RBFOX1: variants seen among roughly 807,000 people sequenced by gnomAD.
RBFOX1 encodes RNA binding fox-1 homolog 1.
RBFOX1 carries 8 observed loss-of-function variants against 57.7 expected under a neutral mutation model. The observed-to-expected ratio is 0.14, with a 90% CI of 0.08 to 0.25. The LOEUF is 0.25. Among genes scored for constraint, RBFOX1 ranks in the 10% least tolerant of loss-of-function variants. RBFOX1 has a pLI of 1.00. For missense variants in RBFOX1, 611 were observed against 548.5 expected (o/e 1.11, Z -1.14); for synonymous variants, 326 against 222.4 (o/e 1.47, Z -4.15).
intron 2 of RBFOX1, among the ~76,000 whole-genome samples, chr16:6,510,499 C>G (rs1014152119): frequency 4.6e-5 from 7 of 152,156 alleles, no homozygotes; most frequent in African/African-American, 1.7e-4. Flanking sequence ...GGACAGCAGG[C>G]ACAGATGACA....
At chr16:6,105,622 T>TA (rs2096369084) in intron 1 of RBFOX1, among the ~76,000 whole-genome samples, 3 of 151,998 alleles carry the variant, frequency 2.0e-5, no homozygotes, top group Admixed American at 2.0e-4. Flanking sequence ...TATTTTATTT[T>TA]TTTGTTTTTC....
intron 1 of RBFOX1, among the ~76,000 whole-genome samples, chr16:6,110,277 G>T (rs1166723315): frequency 7.0e-6 from 1 of 142,440 alleles, no homozygotes; most frequent in Non-Finnish European, 1.5e-5. Flanking sequence ...TGACTTCTTT[G>T]CAGCATCATC....
chr16:7,028,473 G>C (rs983294066), intron 3 of RBFOX1, among the ~76,000 whole-genome samples: 1 of 151,758 alleles, frequency 6.6e-6, no homozygotes, highest in Non-Finnish European at 1.5e-5. Context: ...TGTAATCCCA[G>C]CTCCTTGGGA....
chr16:5,643,593 G>A (rs1483635815), intron 3 of RBFOX1, among the ~76,000 whole-genome samples: 3 of 152,182 alleles, frequency 2.0e-5, no homozygotes, highest in African/African-American at 7.2e-5. Flanking sequence ...GAACCGCAGA[G>A]TCATAGCAAG....
At chr16:7,105,790 A>AG in intron 4 of RBFOX1, among the ~76,000 whole-genome samples, 1 of 111,002 alleles carries the variant, frequency 9.0e-6, no homozygotes, top group East Asian at 2.5e-4. Flanking sequence ...GTATATAGAG[A>AG]TAGATAGATA....
At chr16:5,750,856 G>C (rs1264556635) in intron 3 of RBFOX1, among the ~76,000 whole-genome samples, 1 of 152,192 alleles carries the variant, frequency 6.6e-6, no homozygotes, top group Non-Finnish European at 1.5e-5. Flanking sequence ...ACGCATGGTG[G>C]GCTGCATCCA....
At position 5,912,296 on chromosome 16, in the gene RBFOX1, G is replaced by A. The variant is rs538163115; in HGVS notation, c.351+44961G>A. Among the ~76,000 whole-genome samples the A allele has an allele frequency of 6.6e-5, 10 of 152,262 alleles. No individual in the cohort carries two copies. In the East Asian group the frequency reaches 7.7e-4, roughly 12 times the overall value. ...TCAGTTTCTCAGAATGAAGCTCACC[G>A]TATCATTGACACATAATAAATGTTA... On this transcript the variant is annotated intron_variant, in intron 4 of 19. Coordinates refer to the RBFOX1 transcript ENST00000641259.
intron 3 of RBFOX1, among the ~76,000 whole-genome samples, chr16:5,834,215 C>T (rs2056377724): frequency 6.6e-6 from 1 of 152,146 alleles, no homozygotes; most frequent in African/African-American, 2.4e-5. Flanking sequence ...TAGTGTACTT[C>T]TCATCTGAAT....
At chr16:6,309,392 T>A (rs2079960194) in intron 1 of RBFOX1, among the ~76,000 whole-genome samples, 1 of 152,092 alleles carries the variant, frequency 6.6e-6, no homozygotes, top group Non-Finnish European at 1.5e-5. Flanking sequence ...TGACAGACAG[T>A]GCAAATTAAA....
At chr16:7,034,848 C>CTTTTTTTTGTTTTTT (rs2043889831) in intron 3 of RBFOX1, among the ~76,000 whole-genome samples, 1 of 30,832 alleles carries the variant, frequency 3.2e-5, no homozygotes, top group African/African-American at 1.7e-4. Flanking sequence ...TTTCTTTTTT[C>CTTTTTTTTGTTTTTT]TTTTTTTTTT....
intron 4 of RBFOX1, among the ~76,000 whole-genome samples, chr16:7,424,751 T>A (rs2098593473): frequency 6.6e-6 from 1 of 152,176 alleles, no homozygotes; most frequent in African/African-American, 2.4e-5. Context: ...AGTATTATCC[T>A]AAAAGCAAGC....
intron 4 of RBFOX1, among the ~76,000 whole-genome samples, chr16:7,141,444 C>G (rs898246122): frequency 1.3e-5 from 2 of 151,788 alleles, no homozygotes; most frequent in African/African-American, 4.9e-5. Context: ...AATCCAAGTT[C>G]TCAGGTGTGC....
intron 1 of RBFOX1, among the ~76,000 whole-genome samples, chr16:5,291,410 C>A (rs544648700): frequency 1.3e-5 from 2 of 152,164 alleles, no homozygotes; most frequent in Non-Finnish European, 2.9e-5. Context: ...CTACAGGCAC[C>A]CGCCACCACG....
intron 3 of RBFOX1, among the ~76,000 whole-genome samples, chr16:6,841,764 C>T (rs990447528): frequency 6.6e-6 from 1 of 152,186 alleles, no homozygotes; most frequent in Admixed American, 6.5e-5. Flanking sequence ...CTGGACCATG[C>T]AGCTTAAGGG....
chr16:7,013,875 C>T (rs978046931), intron 3 of RBFOX1, among the ~76,000 whole-genome samples: 2 of 152,144 alleles, frequency 1.3e-5, no homozygotes, highest in East Asian at 1.9e-4. Context: ...CCAGGTCATT[C>T]TTGAGCTCTT....
chr16:7,259,118 C>A (rs542052028), intron 4 of RBFOX1, among the ~76,000 whole-genome samples: 2 of 152,118 alleles, frequency 1.3e-5, no homozygotes, highest in African/African-American at 2.4e-5. Flanking sequence ...CCTGGTTGAC[C>A]ATCTCCATCA....
chr16:7,473,631 G>A (rs780470738), intron 4 of RBFOX1, among the ~76,000 whole-genome samples: 8 of 151,580 alleles, frequency 5.3e-5, no homozygotes, highest in Non-Finnish European at 8.8e-5. Context: ...TCCTCAAACA[G>A]TAATATCTTG....
chr16:7,195,804 C>T (rs2086559465), intron 4 of RBFOX1, among the ~76,000 whole-genome samples: 1 of 152,190 alleles, frequency 6.6e-6, no homozygotes, highest in African/African-American at 2.4e-5. Flanking sequence ...CTGCCTGCCT[C>T]TGCCTCCCAA....
chr16:6,880,216 T>C (rs7186098), intron 3 of RBFOX1, among the ~76,000 whole-genome samples: 38,359 of 151,902 alleles, frequency 0.25, 5,050 homozygotes, highest in African/African-American at 0.32. Context: ...AGCAAAATTT[T>C]CCACCGGGGG....
Sources: gnomAD v4.1 joint callset for allele counts (sites outside exome capture counted in the v4.1 genomes callset) on GRCh38, gnomAD v4.1.1 for gene constraint, MANE v1.5 for transcripts, NCBI Gene and HGNC (gene_info 2026-07-23, HGNC 2026-07-21) for gene names.